RNF17: variants seen among roughly 807,000 people sequenced by gnomAD.
The protein encoded by RNF17 is ring finger protein 17, also known as spermatogenesis associated 23.
In RNF17, 31 loss-of-function variants were observed where a neutral mutation model predicts 200.5. The ratio of observed to expected loss-of-function variants is 0.15; its 90% CI spans 0.12 to 0.21. The LOEUF is 0.21. Among genes scored for constraint, RNF17 ranks in the 10% least tolerant of loss-of-function variants. The pLI, the probability that RNF17 is intolerant of heterozygous loss-of-function variation, is 1.00. For missense variants in RNF17, 1,628 were observed against 1,905.1 expected (o/e 0.85, Z 2.71); for synonymous variants, 606 against 637.8 (o/e 0.95, Z 0.75).
chr13:24,780,246 A>G (rs972475720), intron 5 of RNF17, among the ~76,000 whole-genome samples: 1 of 152,214 alleles, frequency 6.6e-6, no homozygotes, highest in Non-Finnish European at 1.5e-5. Context: ...GCTAAGGGTC[A>G]CTATCAAAAG....
In RNF17 at chr13:24,848,855, A is replaced by G. The variant is rs539678706; in HGVS notation, c.3102-1486A>G. On this transcript the variant is annotated intron_variant, in intron 22 of 35. Transcript: ENST00000255324. ...CTTATATTTATATACCATCGTAATA[A>G]ATAAACCATAACTGGTTCCAAGAGT... is the stretch of plus-strand genomic sequence containing the variant. Among the ~76,000 whole-genome samples the G allele has an allele frequency of 7.9e-5, 12 of 152,324 alleles. No homozygotes were observed. In the East Asian group the frequency reaches 2.3e-3, roughly 29 times the overall value.
In RNF17 at chr13:24,844,678, A is replaced by T; in HGVS notation, c.2858A>T (p.Tyr953Phe). 1 of 1,604,566 alleles carries T rather than the reference A, an allele frequency of 6.2e-7. No homozygotes were observed. The highest frequency in any genetic ancestry group is 8.5e-7 in the Non-Finnish European group (1 of 1,172,104). Residue 953 changes from tyrosine to phenylalanine, a missense_variant, in exon 21 of 36, where the codon TAT becomes TTT. Tyr to Phe is a conservative substitution (Grantham distance 22, BLOSUM62 3). This residue lies in a region of RNF17 where 227 missense variants were observed against 319.8 expected (regional missense o/e 0.71). Transcript: ENST00000255324. The stretch of plus-strand genomic sequence containing the variant: ...TTAGAAGAAAAGATGATAGCTGCTT[A>T]TGAAAACTCAAAATGGGAACCTGTT... Reference protein sequence around the residue: ...NSLEEKMIAAYENSKWEPVKW... With the variant: ...NSLEEKMIAAFENSKWEPVKW...
At chr13:24,861,968 C>T (rs956896945) in intron 27 of RNF17, among the ~76,000 whole-genome samples, 5 of 152,092 alleles carry the variant, frequency 3.3e-5, no homozygotes, top group Non-Finnish European at 7.4e-5. Flanking sequence ...TTGTGGTGGA[C>T]GGCGAAAGAG....
chr13:24,886,293 G>T, the RNF17 span: 1 of 1,288,696 alleles, frequency 7.8e-7, no homozygotes, highest in Non-Finnish European at 1.0e-6. Flanking sequence ...GTGTAACAGA[G>T]CTGGATGTTA....
chr13:24,763,096 G>A (rs939154818), upstream of RNF17, among the ~76,000 whole-genome samples: 2 of 151,846 alleles, frequency 1.3e-5, no homozygotes, highest in African/African-American at 2.4e-5. Flanking sequence ...GTAAGGTCTA[G>A]TGCAAACCCT....
intron 15 of RNF17, among the ~76,000 whole-genome samples, chr13:24,821,394 T>C (rs1302582989): frequency 6.6e-6 from 1 of 152,236 alleles, no homozygotes; most frequent in Non-Finnish European, 1.5e-5. Flanking sequence ...TGTAGGTTCA[T>C]GTCTTTCTTT....
chr13:24,862,025 G>A (rs908983245), intron 27 of RNF17, among the ~76,000 whole-genome samples: 1 of 106,982 alleles, frequency 9.3e-6, no homozygotes, highest in African/African-American at 2.9e-5. Context: ...AGAGATTGAA[G>A]GGGAAACGGC....
chr13:24,878,597 A>G (rs1400180549), intron 34 of RNF17, among the ~76,000 whole-genome samples: 1 of 152,198 alleles, frequency 6.6e-6, no homozygotes, highest in Non-Finnish European at 1.5e-5. Context: ...CAAGTTCTAC[A>G]GTCCAAAAAC....
chr13:24,826,538 C>T (rs1164656620), intron 16 of RNF17, among the ~76,000 whole-genome samples: 2 of 152,160 alleles, frequency 1.3e-5, no homozygotes, highest in Non-Finnish European at 2.9e-5. Flanking sequence ...CTTTGGGAGG[C>T]TGAGGTGGGT....
chr13:24,805,665 A>G (rs1052322538), intron 15 of RNF17, among the ~76,000 whole-genome samples: 2 of 152,206 alleles, frequency 1.3e-5, no homozygotes, highest in Non-Finnish European at 2.9e-5. Context: ...GGACACTGGC[A>G]TGAAAGTATC....
chr13:24,857,711 C>T (rs751992864), intron 25 of RNF17, among the ~76,000 whole-genome samples: 15 of 152,166 alleles, frequency 9.9e-5, no homozygotes, highest in Non-Finnish European at 2.1e-4. Context: ...CCAGGCTGGG[C>T]AACATGGTGA....
downstream of RNF17, chr13:24,884,543 T>C (rs1953955938): frequency 7.4e-7 from 1 of 1,355,254 alleles, no homozygotes; most frequent in African/African-American, 1.4e-5. Flanking sequence ...ACTGCCTACT[T>C]TGAAATTTTT....
At chr13:24,781,783 A>G in intron 5 of RNF17, 61 bp from the exon 6 acceptor site, 2 of 1,235,552 alleles carry the variant, frequency 1.6e-6, no homozygotes, top group Admixed American at 2.2e-5. Context: ...TCAAAATTCT[A>G]CAACTTCTAC....
chr13:24,782,359 T>G (rs1000203483), intron 6 of RNF17, among the ~76,000 whole-genome samples: 35 of 151,638 alleles, frequency 2.3e-4, no homozygotes, highest in African/African-American at 8.3e-4. Flanking sequence ...GTTTTTTTTT[T>G]GTTGTTGTTG....
At chr13:24,855,608 A>G (rs1242663092) in intron 25 of RNF17, among the ~76,000 whole-genome samples, 2 of 151,944 alleles carry the variant, frequency 1.3e-5, no homozygotes, top group Admixed American at 6.6e-5. Context: ...AGCCTGGACA[A>G]TAGAGTGAGT....
At chr13:24,838,211 C>CA (rs912043795) in intron 18 of RNF17, among the ~76,000 whole-genome samples, 3 of 151,436 alleles carry the variant, frequency 2.0e-5, no homozygotes, top group Admixed American at 1.3e-4. Context: ...AAATTACCAA[C>CA]AAAAAAAAGG....
intron 16 of RNF17, 84 bp from the exon 17 acceptor site, chr13:24,830,400 A>T: frequency 2.7e-6 from 2 of 744,112 alleles, no homozygotes; most frequent in Non-Finnish European, 4.6e-6. Flanking sequence ...AAGTATTCTA[A>T]TCTAGTTGGC....
intron 25 of RNF17, among the ~76,000 whole-genome samples, chr13:24,857,691 G>C (rs1382785006): frequency 1.3e-5 from 2 of 152,174 alleles, no homozygotes; most frequent in Non-Finnish European, 2.9e-5. Flanking sequence ...TTAAGCCCAG[G>C]AGTTTGCGAC....
At chr13:24,885,671 C>G in the RNF17 span, 1 of 1,609,314 alleles carries the variant, frequency 6.2e-7, no homozygotes, top group Non-Finnish European at 8.5e-7. Flanking sequence ...GGTGGATTGC[C>G]TATTAGAATA....
Sources: gnomAD v4.1 joint callset for allele counts (sites outside exome capture counted in the v4.1 genomes callset) on GRCh38, gnomAD v4.1.1 for gene constraint, gnomAD v4.1.1 regional missense constraint, MANE v1.5 for transcripts, NCBI Gene and HGNC (gene_info 2026-07-23, HGNC 2026-07-21) for gene names.